Variants in PTBP2 observed in about 807,000 individuals in gnomAD.
The protein encoded by PTBP2 is polypyrimidine tract binding protein 2.
A neutral mutation model predicts 61.4 loss-of-function variants in PTBP2; 13 were observed. The observed-to-expected ratio is 0.21, with a 90% CI of 0.14 to 0.34. The LOEUF is 0.34. Ranked by LOEUF, PTBP2 falls within the 10% of genes least tolerant of loss-of-function variation. PTBP2 has a pLI of 1.00. For synonymous variants in PTBP2, 215 were observed against 218.5 expected, an observed-to-expected ratio of 0.98 and a Z score of 0.14; for missense variants, 405 against 642.6, an observed-to-expected ratio of 0.63 and a Z score of 4.00.
At chr1:96,758,625 AAG>A (rs1169091711) in intron 3 of PTBP2, among the ~76,000 whole-genome samples, 5 of 152,122 alleles carry the variant, frequency 3.3e-5, no homozygotes, top group African/African-American at 1.2e-4. Context: ...AGAATGAAGA[AAG>A]AAGAATTTCT....
At chr1:96,805,318 T>C (rs1268266177) in intron 9 of PTBP2, among the ~76,000 whole-genome samples, 3 of 152,224 alleles carry the variant, frequency 2.0e-5, no homozygotes, top group Non-Finnish European at 4.4e-5. Context: ...TGCTTGTTCA[T>C]TTCATGCTTA....
intron 9 of PTBP2, among the ~76,000 whole-genome samples, chr1:96,805,739 T>C (rs1661440496): frequency 6.6e-6 from 1 of 152,336 alleles, no homozygotes; most frequent in East Asian, 1.9e-4. Flanking sequence ...AATACTATTA[T>C]CATTCACAGT....
At chr1:96,750,719 A>G (rs949126638) in intron 2 of PTBP2, among the ~76,000 whole-genome samples, 7 of 152,084 alleles carry the variant, frequency 4.6e-5, no homozygotes, top group Non-Finnish European at 8.8e-5. Context: ...AAATATCCAT[A>G]ACTAAGGCAA....
At chr1:96,809,655 A>G (rs1231667274) in intron 11 of PTBP2, among the ~76,000 whole-genome samples, 1 of 152,080 alleles carries the variant, frequency 6.6e-6, no homozygotes, top group African/African-American at 2.4e-5. Context: ...TAGGACTAAA[A>G]GCATGCACCA....
intron 3 of PTBP2, among the ~76,000 whole-genome samples, chr1:96,754,905 G>GA (rs1246645275): frequency 1.3e-5 from 2 of 151,958 alleles, no homozygotes; most frequent in East Asian, 3.9e-4. Flanking sequence ...AAAATCTCTA[G>GA]AAAAAAATAC....
chr1:96,751,574 T>C lies in PTBP2; in HGVS notation c.115+74T>C. ...GAATGTTAAAACTCAAATTTAACCC[T>C]GTTATACCAGGAAAGCCTTTCTTTT... On this transcript the variant is annotated intron_variant, in intron 3 of 13. Coordinates refer to ENST00000674951, the MANE Select transcript of PTBP2 (RefSeq NM_021190.4). 4 of 1,112,480 alleles carry C rather than the reference T, an allele frequency of 3.6e-6. No homozygotes were observed. In the South Asian group the frequency reaches 5.6e-5, roughly 16 times the overall value. 68.9% of individuals were successfully genotyped at this position (1,112,480 alleles called of 1,614,324 possible). A position where few individuals can be genotyped will look rare whatever the true frequency, so the allele number is the denominator to read the frequency against.
intron 3 of PTBP2, among the ~76,000 whole-genome samples, chr1:96,761,724 G>GTT (rs551456617): frequency 1.3e-5 from 2 of 149,018 alleles, no homozygotes; most frequent in African/African-American, 5.0e-5. Flanking sequence ...CTACTGTTCT[G>GTT]TTTTTTTTTG....
At chr1:96,773,458 G>A (rs1307138728) in intron 5 of PTBP2, among the ~76,000 whole-genome samples, 1 of 152,094 alleles carries the variant, frequency 6.6e-6, no homozygotes, top group Non-Finnish European at 1.5e-5. Flanking sequence ...GTCACTATAT[G>A]CTGAGTTATT....
At chr1:96,816,783 G>A (rs547124747), downstream of PTBP2, 65 of 152,190 alleles carry the variant, frequency 4.3e-4, no homozygotes, top group African/African-American at 1.5e-3. Context: ...GTAAAATGGA[G>A]GCAATAAGTT....
At chr1:96,760,522 T>C (rs999606661) in intron 3 of PTBP2, among the ~76,000 whole-genome samples, 18 of 146,872 alleles carry the variant, frequency 1.2e-4, no homozygotes, top group African/African-American at 4.5e-4. Context: ...CTCAGCTTAC[T>C]GCAACCTCCG....
chr1:96,779,386 T>G (rs1658399426), intron 7 of PTBP2, among the ~76,000 whole-genome samples: 1 of 152,138 alleles, frequency 6.6e-6, no homozygotes, highest in African/African-American at 2.4e-5. Flanking sequence ...GAAAAGTATT[T>G]GTTAGAGGAC....
intron 2 of PTBP2, among the ~76,000 whole-genome samples, chr1:96,728,407 A>T (rs1036084222): frequency 6.6e-6 from 1 of 152,156 alleles, no homozygotes; most frequent in Non-Finnish European, 1.5e-5. Context: ...TTGCATGGGG[A>T]TATCCAGTGT....
rs1662414705 is a variant in PTBP2 at position 96,815,009 on chromosome 1, A to G, written c.*1604A>G. On this transcript the variant is annotated 3_prime_UTR_variant, in exon 14 of 14. Coordinates refer to ENST00000674951, the MANE Select transcript of PTBP2 (RefSeq NM_021190.4). ...AAAGGAGTAATAATATTACAATTCTATGGCTTTATACCATAAATAAATCTA... is the reference window on the plus strand; with the variant it reads ...AAAGGAGTAATAATATTACAATTCTGTGGCTTTATACCATAAATAAATCTA... 1 of 152,394 alleles carries G rather than the reference A, an allele frequency of 6.6e-6. No homozygotes were observed. Among genetic ancestry groups the G allele is most frequent in the African/African-American group, 2.4e-5 (1 of 41,380 alleles). The allele number at this position is 152,394 out of a possible 1,614,324, so 9.4% of individuals were successfully genotyped here.
At chr1:96,816,683 T>C (rs1359696990), downstream of PTBP2, 2 of 152,174 alleles carry the variant, frequency 1.3e-5, no homozygotes, top group Non-Finnish European at 2.9e-5. Flanking sequence ...ATTATGGTGA[T>C]TAGCTTAATT....
chr1:96,756,226 C>T (rs375029252), intron 3 of PTBP2, among the ~76,000 whole-genome samples: 9 of 152,158 alleles, frequency 5.9e-5, no homozygotes, highest in Non-Finnish European at 1.3e-4. Context: ...TGGAGAAACC[C>T]GATCTCTACT....
At chr1:96,796,308 AAGT>A (rs928084006) in intron 8 of PTBP2, among the ~76,000 whole-genome samples, 5 of 148,730 alleles carry the variant, frequency 3.4e-5, no homozygotes, top group Non-Finnish European at 7.5e-5. Context: ...AAAAAAAAAG[AAGT>A]AGGTGCAGAG....
chr1:96,729,273 A>C (rs1651036797), intron 2 of PTBP2, among the ~76,000 whole-genome samples: 1 of 152,096 alleles, frequency 6.6e-6, no homozygotes, highest in Non-Finnish European at 1.5e-5. Context: ...ACACTTACCT[A>C]GGCCTCCCAA....
chr1:96,736,935 C>T (rs898396610), intron 2 of PTBP2, among the ~76,000 whole-genome samples: 3 of 151,966 alleles, frequency 2.0e-5, no homozygotes, highest in African/African-American at 4.8e-5. Flanking sequence ...CTGCTTTAGC[C>T]TTGCAAAGTG....
intron 8 of PTBP2, among the ~76,000 whole-genome samples, chr1:96,800,841 C>T (rs1306536488): frequency 6.6e-6 from 1 of 151,790 alleles, no homozygotes; most frequent in Non-Finnish European, 1.5e-5. Flanking sequence ...TACTATTTTT[C>T]CATGAAAAGG....
Sources: gnomAD v4.1 joint callset for allele counts (sites outside exome capture counted in the v4.1 genomes callset) on GRCh38, gnomAD v4.1.1 for gene constraint, MANE v1.5 for transcripts, NCBI Gene and HGNC (gene_info 2026-07-23, HGNC 2026-07-21) for gene names.